Variants in GALNT2 observed in about 807,000 individuals in gnomAD.
GALNT2 encodes UDP-GalNAc:polypeptide N-acetylgalactosaminyltransferase 2.
A neutral mutation model predicts 81.4 loss-of-function variants in GALNT2; 31 were observed. The observed-to-expected ratio is 0.38, with a 90% CI of 0.29 to 0.51. The LOEUF (loss-of-function observed/expected upper bound fraction) is 0.51, where lower values mean the gene tolerates loss of function less well. GALNT2 is among the 20% of genes least tolerant of loss of function. GALNT2 has a pLI of 0.87. For synonymous variants in GALNT2, 303 were observed against 287.4 expected (o/e 1.05, Z -0.55); for missense variants, 629 against 765.7 (o/e 0.82, Z 2.11).
At chr1:230,139,630 C>A (rs1304742718) in intron 1 of GALNT2, among the ~76,000 whole-genome samples, 1 of 152,194 alleles carries the variant, frequency 6.6e-6, no homozygotes, top group African/African-American at 2.4e-5. Context: ...AGAAAATGGC[C>A]ACCAATGGAA....
chr1:230,078,063 G>T (rs187116368), intron 1 of GALNT2, among the ~76,000 whole-genome samples: 4 of 152,354 alleles, frequency 2.6e-5, no homozygotes, highest in Admixed American at 2.6e-4. Context: ...TTGATTGTGA[G>T]CTGCATTCCA....
chr1:230,127,408 G>A (rs761225100), intron 1 of GALNT2, among the ~76,000 whole-genome samples: 1 of 151,596 alleles, frequency 6.6e-6, no homozygotes, highest in African/African-American at 2.4e-5. Context: ...TTGGAGTATC[G>A]CACTCTCACC....
intron 2 of GALNT2, among the ~76,000 whole-genome samples, chr1:230,186,255 C>T (rs1019087998): frequency 6.6e-6 from 1 of 152,062 alleles, no homozygotes; most frequent in African/African-American, 2.4e-5. Flanking sequence ...GAGTCCAAGC[C>T]CCTCCTTTGT....
intron 8 of GALNT2, among the ~76,000 whole-genome samples, chr1:230,246,886 A>G (rs1239877998): frequency 6.6e-6 from 1 of 152,144 alleles, no homozygotes; most frequent in Non-Finnish European, 1.5e-5. Flanking sequence ...TTCTAGATAG[A>G]CACTGGGCAG....
At chr1:230,236,266 G>C in intron 4 of GALNT2, 87 bp from the exon 5 acceptor site, 5 of 1,440,984 alleles carry the variant, frequency 3.5e-6, no homozygotes, top group Non-Finnish European at 4.8e-6. Flanking sequence ...CCAAGGGTTA[G>C]GACCAACATA....
intron 2 of GALNT2, among the ~76,000 whole-genome samples, chr1:230,190,862 A>G (rs529050295): frequency 5.8e-4 from 88 of 152,308 alleles, no homozygotes; most frequent in African/African-American, 2.0e-3. Context: ...GTTGTGGGAC[A>G]TAAAGAGGGG....
rs72650164 is a variant in GALNT2 at position 230,270,551 on chromosome 1, G to A, written c.1441-3894G>A. On this transcript the variant is annotated intron_variant, in intron 14 of 15. Coordinates refer to ENST00000366672, the MANE Select transcript of GALNT2 (RefSeq NM_004481.5). The stretch of plus-strand genomic sequence containing the variant: ...AAATGCAAATGGCCCTGGGTGCCCT[G>A]TAGCTAGCACATTAGACAGTACGGC... Among the ~76,000 whole-genome samples the A allele has an allele frequency of 8.0e-3, 1,223 of 152,340 alleles. 11 individuals carry two copies. The highest frequency in any genetic ancestry group is 0.014 in the Middle Eastern group (4 of 294).
At chr1:230,096,131 C>T (rs1046789682) in intron 1 of GALNT2, among the ~76,000 whole-genome samples, 1 of 152,116 alleles carries the variant, frequency 6.6e-6, no homozygotes, top group African/African-American at 2.4e-5. Context: ...CCAGGCTCAC[C>T]TGGGGGCCCT....
intron 3 of GALNT2, among the ~76,000 whole-genome samples, chr1:230,234,188 A>G (rs1435777886): frequency 6.6e-6 from 1 of 152,128 alleles, no homozygotes; most frequent in Non-Finnish European, 1.5e-5. Context: ...AGGGGGTCCA[A>G]GACAATTGCA....
intron 1 of GALNT2, among the ~76,000 whole-genome samples, chr1:230,075,408 A>G (rs983706339): frequency 6.6e-6 from 1 of 152,134 alleles, no homozygotes; most frequent in East Asian, 1.9e-4. Context: ...GGCGTGAGCC[A>G]CCGTGCCCGG....
Position 230,280,980 on chromosome 1 carries a change from G to A in GALNT2, c.*1522G>A. ...TGCCCTGCTTCCTCCTCCACTCCTGGCCGCCTTCTCCAGCGCCGCACACAC... is the reference window on the plus strand; with the variant it reads ...TGCCCTGCTTCCTCCTCCACTCCTGACCGCCTTCTCCAGCGCCGCACACAC... On this transcript the variant is annotated 3_prime_UTR_variant, in exon 16 of 16. Coordinates refer to ENST00000366672, the MANE Select transcript of GALNT2 (RefSeq NM_004481.5). The A allele has an allele frequency of 6.6e-6, 1 of 152,480 alleles. No homozygotes were observed. Among genetic ancestry groups the A allele is most frequent in the Non-Finnish European group, 1.5e-5 (1 of 68,212 alleles). The allele number at this position is 152,480 out of a possible 1,614,324, so 9.4% of individuals were successfully genotyped here.
intron 2 of GALNT2, among the ~76,000 whole-genome samples, chr1:230,185,924 G>C (rs536852043): frequency 6.6e-6 from 1 of 152,272 alleles, no homozygotes; most frequent in Admixed American, 6.5e-5. Flanking sequence ...GATCTTCAGG[G>C]GTTTCTACTT....
At chr1:230,263,689 G>A (rs1665947157) in intron 13 of GALNT2, 1 of 152,304 alleles carries the variant, frequency 6.6e-6, no homozygotes, top group Non-Finnish European at 1.5e-5. Flanking sequence ...TGGGGTGGAG[G>A]AGCCATCTGC....
chr1:230,246,247 G>A, intron 8 of GALNT2, 97 bp downstream of exon 8: 4 of 948,622 alleles, frequency 4.2e-6, no homozygotes, highest in Non-Finnish European at 6.9e-6. Flanking sequence ...AGTGACAACA[G>A]TGTTCACGCC....
chr1:230,061,488 C>G (rs1659046027), intron 1 of GALNT2, among the ~76,000 whole-genome samples: 1 of 152,042 alleles, frequency 6.6e-6, no homozygotes, highest in African/African-American at 2.4e-5. Flanking sequence ...AGCTGGCATA[C>G]TTTGTTTAAA....
At position 230,279,931 on chromosome 1, in the gene GALNT2, T is replaced by C. The variant is rs1230666423; in HGVS notation, c.*473T>C. 2.2e-6 allele frequency: 1 copy of C among 456,602 alleles called. No homozygotes were observed. The highest frequency in any genetic ancestry group is 6.9e-5 in the East Asian group (1 of 14,418). The allele number at this position is 456,602 out of a possible 1,614,324, so 28.3% of individuals were successfully genotyped here. On this transcript the variant is annotated 3_prime_UTR_variant, in exon 16 of 16. Coordinates refer to ENST00000366672, the MANE Select transcript of GALNT2 (RefSeq NM_004481.5). The surrounding 1 kb of genome is among the most constrained non-coding windows in gnomAD (Gnocchi z 4.6). ...TTCCACAAAGCCGAGTCGTGTCACG[T>C]GGCAGGTTTACGTCAATAGTCCCTC...
At chr1:230,236,298 TA>T in intron 4 of GALNT2, 54 bp from the exon 5 acceptor site, 3 of 1,560,832 alleles carry the variant, frequency 1.9e-6, no homozygotes, top group Non-Finnish European at 2.6e-6. Context: ...TACCCCAGGC[TA>T]AAAGTTTATA....
At chr1:230,252,843 C>CTTTTTTTTTTTTTTTTT (rs58544942) in intron 10 of GALNT2, among the ~76,000 whole-genome samples, 12 of 78,950 alleles carry the variant, frequency 1.5e-4, no homozygotes, top group East Asian at 4.4e-4. Flanking sequence ...GAGACAACTT[C>CTTTTTTTTTTTTTTTTT]TTTTTTTTTT....
At chr1:230,231,861 G>A (rs889932320) in intron 3 of GALNT2, among the ~76,000 whole-genome samples, 6 of 152,116 alleles carry the variant, frequency 3.9e-5, no homozygotes, top group Non-Finnish European at 7.4e-5. Context: ...CCGAAACCCC[G>A]CCCACTCTTC....
Sources: gnomAD v4.1 joint callset for allele counts (sites outside exome capture counted in the v4.1 genomes callset) on GRCh38, gnomAD v4.1.1 for gene constraint, Gnocchi (gnomAD v3.1) non-coding constraint, MANE v1.5 for transcripts, NCBI Gene and HGNC (gene_info 2026-07-23, HGNC 2026-07-21) for gene names.